SYNE1: variants seen among roughly 807,000 people sequenced by gnomAD.
The protein encoded by SYNE1 is spectrin repeat containing nuclear envelope protein 1.
SYNE1 carries 616 observed loss-of-function variants against 1,111.0 expected under a neutral mutation model. The observed-to-expected ratio is 0.55, with a 90% CI of 0.52 to 0.59. The LOEUF is 0.59. Ranked by LOEUF, SYNE1 falls within the 20% of genes least tolerant of loss-of-function variation. The probability of loss-of-function intolerance (pLI) is 0.00; values close to 1 mark genes in which losing one functional copy is unlikely to be tolerated. For missense variants in SYNE1, 10,006 were observed against 10,417.0 expected (o/e 0.96, Z 1.72); for synonymous variants, 3,855 against 3,825.8 (o/e 1.01, Z -0.28).
At chr6:152,395,258 A>G (rs936760139) in intron 51 of SYNE1, among the ~76,000 whole-genome samples, 17 of 152,188 alleles carry the variant, frequency 1.1e-4, no homozygotes, top group Non-Finnish European at 2.2e-4. Flanking sequence ...GAGATAAGTG[A>G]CCTGCCCAAT....
chr6:152,495,578 CACCTGCTCCACCCTGACTCATTCCGATT>C (rs1354928576), intron 11 of SYNE1, among the ~76,000 whole-genome samples: 28 of 152,142 alleles, frequency 1.8e-4, no homozygotes, highest in African/African-American at 6.3e-4. Context: ...TCATTTCAAT[CACCTGCTCCACCCTGACTCATTCCGATT>C]ACCTGCTCCA....
At chr6:152,145,076 C>T in intron 137 of SYNE1, 1 of 291,080 alleles carries the variant, frequency 3.4e-6, no homozygotes, top group Non-Finnish European at 6.7e-6. Context: ...GTCACTCATG[C>T]AGGCTGGCGG....
At chr6:152,549,061 A>C (rs1173196548) in intron 3 of SYNE1, among the ~76,000 whole-genome samples, 1 of 152,202 alleles carries the variant, frequency 6.6e-6, no homozygotes, top group Non-Finnish European at 1.5e-5. Context: ...AGGCACGTGA[A>C]TGAGGTCACC....
intron 73 of SYNE1, 58 bp downstream of exon 73, chr6:152,347,001 A>G (rs538023327): frequency 4.4e-6 from 7 of 1,597,682 alleles, no homozygotes; most frequent in African/African-American, 4.0e-5. Flanking sequence ...AAGTCTCTAG[A>G]CTGCACAGCC....
intron 12 of SYNE1, among the ~76,000 whole-genome samples, chr6:152,486,244 AAC>A (rs1243634654): frequency 6.6e-6 from 1 of 152,152 alleles, no homozygotes; most frequent in Non-Finnish European, 1.5e-5. Context: ...TTTAAAAAAA[AAC>A]AAAACATCAA....
chr6:152,308,403 T>A, intron 91 of SYNE1, 86 bp downstream of exon 91: 1 of 1,588,298 alleles, frequency 6.3e-7, no homozygotes, highest in Non-Finnish European at 8.6e-7. Context: ...CAGGGGAAAC[T>A]GTTCTCTTCC....
At chr6:152,346,126 A>C (rs2096625891) in intron 73 of SYNE1, among the ~76,000 whole-genome samples, 1 of 152,156 alleles carries the variant, frequency 6.6e-6, no homozygotes, top group Admixed American at 6.5e-5. Flanking sequence ...TTTCTTTTTT[A>C]AATTTCCTCA....
chr6:152,125,414 A>T (rs2053057040), intron 145 of SYNE1: 2 of 1,501,360 alleles, frequency 1.3e-6, no homozygotes, highest in Non-Finnish European at 1.8e-6. Flanking sequence ...ACGTGGGGAC[A>T]TTTTGTTTTG....
rs370906311 is a variant in SYNE1 at position 152,143,764 on chromosome 6, C to A, written c.24978G>T (p.Gly8326=). The A allele has an allele frequency of 6.8e-6, 11 of 1,614,060 alleles. No individual in the cohort carries two copies. The highest frequency in any genetic ancestry group is 1.6e-4 in the Middle Eastern group (1 of 6,062). The change falls in exon 138 of 146, where the codon GGG becomes GGT. Residue 8326 remains glycine, a splice_region_variant and synonymous_variant. Coordinates refer to ENST00000367255, the MANE Select transcript of SYNE1 (RefSeq NM_182961.4). ...TCTGTGACTCTAGGGCACTGTGGTC[C>A]CCTGCGGTGGCAACCATAAGAATCT... is the stretch of plus-strand genomic sequence containing the variant. ...FYLRGAVGLS[G]DHSALESQIR...
intron 53 of SYNE1, among the ~76,000 whole-genome samples, chr6:152,389,634 A>G: frequency 6.6e-6 from 1 of 152,222 alleles, no homozygotes; most frequent in Non-Finnish European, 1.5e-5. Flanking sequence ...ACCTGGTATA[A>G]CAATCAAGGA....
intron 3 of SYNE1, among the ~76,000 whole-genome samples, chr6:152,599,895 T>C (rs2099592075): frequency 6.6e-6 from 1 of 152,038 alleles, no homozygotes; most frequent in Non-Finnish European, 1.5e-5. Context: ...CTACATGAAA[T>C]GATATCTGGT....
intron 21 of SYNE1, among the ~76,000 whole-genome samples, chr6:152,461,202 C>G (rs2098732109): frequency 6.6e-6 from 1 of 152,074 alleles, no homozygotes; most frequent in South Asian, 2.1e-4. Flanking sequence ...GAAAATTGCA[C>G]AAATAAGTTT....
intron 3 of SYNE1, among the ~76,000 whole-genome samples, chr6:152,543,056 C>T (rs2099279410): frequency 6.6e-6 from 1 of 151,876 alleles, no homozygotes; most frequent in African/African-American, 2.4e-5. Context: ...TATATTACTT[C>T]TTAATATAAA....
intron 100 of SYNE1, among the ~76,000 whole-genome samples, chr6:152,265,400 A>C (rs935894670): frequency 1.3e-5 from 2 of 152,256 alleles, no homozygotes; most frequent in African/African-American, 4.8e-5. Context: ...AGTGAAAAAA[A>C]TGCCAAAACA....
chr6:152,136,614 A>G lies in SYNE1; in HGVS notation c.25659+4T>C. On this transcript the variant is annotated splice_donor_region_variant and intron_variant, in intron 141 of 145. Transcript: ENST00000367255. ...AGTCACCTCCTGCCCAAAGCTCTACAGACCTGGCACTGCATCAGGGCATCC... is the reference window on the plus strand; with the variant it reads ...AGTCACCTCCTGCCCAAAGCTCTACGGACCTGGCACTGCATCAGGGCATCC... The G allele has an allele frequency of 6.2e-7, 1 of 1,613,152 alleles. No individual in the cohort carries two copies. The highest frequency in any genetic ancestry group is 8.5e-7 in the Non-Finnish European group (1 of 1,180,022).
chr6:152,390,142 A>G (rs1591710799), intron 53 of SYNE1, 138 bp downstream of exon 53: 1 of 899,324 alleles, frequency 1.1e-6, no homozygotes, highest in Admixed American at 2.0e-5. Context: ...GGAAAACACA[A>G]CTTAGACAAA....
chr6:152,286,812 G>A (rs1048767124), intron 95 of SYNE1, among the ~76,000 whole-genome samples: 26 of 152,182 alleles, frequency 1.7e-4, no homozygotes, highest in African/African-American at 5.8e-4. Context: ...ATGGAAAGAA[G>A]TTCTTAATTT....
intron 113 of SYNE1, 61 bp downstream of exon 113, chr6:152,232,055 A>G: frequency 8.5e-6 from 11 of 1,291,390 alleles, no homozygotes; most frequent in Middle Eastern, 2.7e-4. Flanking sequence ...TGAGTTTTTT[A>G]GTTCTTTCAA....
intron 3 of SYNE1, among the ~76,000 whole-genome samples, chr6:152,572,423 T>C (rs901136989): frequency 1.3e-5 from 2 of 152,192 alleles, no homozygotes; most frequent in African/African-American, 4.8e-5. Context: ...GTAAAAGTGC[T>C]CATTTCCTAT....
Sources: gnomAD v4.1 joint callset for allele counts (sites outside exome capture counted in the v4.1 genomes callset) on GRCh38, gnomAD v4.1.1 for gene constraint, MANE v1.5 for transcripts, NCBI Gene and HGNC (gene_info 2026-07-23, HGNC 2026-07-21) for gene names.